The following PRKCE variants were observed in gnomAD, a reference collection of about 807,000 sequenced individuals.
PRKCE encodes the protein protein kinase C epsilon type.
In PRKCE, 16 loss-of-function variants were observed where a neutral mutation model predicts 85.4. That is an observed-to-expected ratio of 0.19 (90% confidence interval 0.13 to 0.28). The LOEUF (loss-of-function observed/expected upper bound fraction) is 0.28. Ranked by LOEUF, PRKCE falls within the 10% of genes least tolerant of loss-of-function variation. The pLI, the probability that PRKCE is intolerant of heterozygous loss-of-function variation, is 1.00. For synonymous variants in PRKCE, 388 were observed against 371.5 expected, an observed-to-expected ratio of 1.04 and a Z score of -0.51; for missense variants, 573 against 975.2, an observed-to-expected ratio of 0.59 and a Z score of 5.49.
At chr2:46,105,703 G>C (rs1166539679) in intron 11 of PRKCE, among the ~76,000 whole-genome samples, 2 of 152,194 alleles carry the variant, frequency 1.3e-5, no homozygotes, top group African/African-American at 2.4e-5. Flanking sequence ...TTGCTGGAGA[G>C]AGGAACTGCT....
intron 2 of PRKCE, among the ~76,000 whole-genome samples, chr2:45,948,535 A>G (rs574972640): frequency 6.6e-6 from 1 of 152,290 alleles, no homozygotes; most frequent in East Asian, 1.9e-4. Context: ...GCTACTCAAG[A>G]GGCTGAGGTG....
At chr2:45,806,826 A>C (rs34160432) in intron 1 of PRKCE, among the ~76,000 whole-genome samples, 2,187 of 152,262 alleles carry the variant, frequency 0.014, 20 homozygotes, top group Non-Finnish European at 0.024. Context: ...GTCAGGGACT[A>C]AGGAGGGGAA....
intron 5 of PRKCE, among the ~76,000 whole-genome samples, chr2:45,982,184 C>T (rs1702942272): frequency 6.6e-6 from 1 of 152,228 alleles, no homozygotes; most frequent in Admixed American, 6.5e-5. Flanking sequence ...GCCAGTCTCC[C>T]TTAGTGTCAG....
intron 10 of PRKCE, chr2:46,078,486 G>A (rs1198543122): frequency 6.6e-6 from 1 of 151,802 alleles, no homozygotes; most frequent in Non-Finnish European, 1.5e-5. Context: ...GCTGCAGTGA[G>A]CTATGATCAT....
At chr2:45,939,834 T>C (rs993269281) in intron 2 of PRKCE, among the ~76,000 whole-genome samples, 9 of 152,230 alleles carry the variant, frequency 5.9e-5, no homozygotes, top group African/African-American at 2.2e-4. Context: ...ATTACAGGCG[T>C]GAGCCACCAT....
At chr2:46,107,197 C>T (rs150143100) in intron 11 of PRKCE, among the ~76,000 whole-genome samples, 294 of 152,286 alleles carry the variant, frequency 1.9e-3, no homozygotes, top group African/African-American at 6.7e-3. Context: ...CCTTTTTTTA[C>T]CAACACTGTA....
intron 10 of PRKCE, among the ~76,000 whole-genome samples, chr2:46,056,141 A>G (rs1666561544): frequency 6.6e-6 from 1 of 152,192 alleles, no homozygotes; most frequent in East Asian, 1.9e-4. Context: ...AAGTATACCC[A>G]GTGAGTAGGA....
In PRKCE at chr2:45,782,461, G is replaced by A. The variant is rs533174875; in HGVS notation, c.349-60539G>A. Among the ~76,000 whole-genome samples, 9 of 152,090 alleles carry A rather than the reference G, an allele frequency of 5.9e-5. No homozygotes were observed. The South Asian group carries it at 1.5e-3, about 25-fold the overall frequency. On this transcript the variant is annotated intron_variant, in intron 1 of 14. Coordinates refer to ENST00000306156, the MANE Select transcript of PRKCE (RefSeq NM_005400.3). ...AATAGGCCGAGAGTCCCCATCCCAGGTTATTCCTGACTGTGCATCTCCAGC... is the reference window on the plus strand; with the variant it reads ...AATAGGCCGAGAGTCCCCATCCCAGATTATTCCTGACTGTGCATCTCCAGC...
chr2:45,966,874 A>G (rs1214052611), intron 2 of PRKCE, among the ~76,000 whole-genome samples: 1 of 152,082 alleles, frequency 6.6e-6, no homozygotes, highest in Non-Finnish European at 1.5e-5. Flanking sequence ...AGGGTCAGGG[A>G]TGAGGCTGTC....
Position 45,855,049 on chromosome 2 carries a change from G to A in PRKCE, c.412+11986G>A, listed in dbSNP as rs113464417. Among the ~76,000 whole-genome samples, 539 of 152,282 alleles carry A rather than the reference G, an allele frequency of 3.5e-3. 3 individuals carry two copies. The highest frequency in any genetic ancestry group is 0.012 in the African/African-American group (501 of 41,554). On this transcript the variant is annotated intron_variant, in intron 2 of 14. Transcript: ENST00000306156. The stretch of plus-strand genomic sequence containing the variant: ...GACCAAATGAGCATTTTGAAATATC[G>A]TAGAACAAATTTATATATTAGCTAG...
At chr2:45,840,870 T>C (rs1324578439) in intron 1 of PRKCE, among the ~76,000 whole-genome samples, 1 of 152,144 alleles carries the variant, frequency 6.6e-6, no homozygotes, top group Non-Finnish European at 1.5e-5. Context: ...GTGCTCATGG[T>C]ATAGCTGCCT....
intron 11 of PRKCE, among the ~76,000 whole-genome samples, chr2:46,097,069 T>G (rs1670759801): frequency 1.3e-5 from 2 of 152,080 alleles, no homozygotes; most frequent in Non-Finnish European, 2.9e-5. Context: ...TGAGTCTGTG[T>G]CTCTTTTACA....
At chr2:45,962,565 CTG>C (rs1251500969) in intron 2 of PRKCE, among the ~76,000 whole-genome samples, 3 of 152,202 alleles carry the variant, frequency 2.0e-5, no homozygotes, top group Non-Finnish European at 2.9e-5. Flanking sequence ...CAGCATTTAG[CTG>C]ATGTTTCTCT....
intron 2 of PRKCE, among the ~76,000 whole-genome samples, chr2:45,970,238 G>T (rs1219994905): frequency 6.6e-6 from 1 of 152,136 alleles, no homozygotes; most frequent in Admixed American, 6.5e-5. Flanking sequence ...AAACAAATTG[G>T]TTACTTTTTT....
intron 11 of PRKCE, among the ~76,000 whole-genome samples, chr2:46,093,746 A>G (rs1670410805): frequency 6.6e-6 from 1 of 151,940 alleles, no homozygotes; most frequent in South Asian, 2.1e-4. Context: ...GTGACCTACC[A>G]CTGTGGAAAA....
chr2:45,821,621 G>T (rs564290168), intron 1 of PRKCE, among the ~76,000 whole-genome samples: 1 of 152,290 alleles, frequency 6.6e-6, no homozygotes, highest in African/African-American at 2.4e-5. Flanking sequence ...CTGATTTGGG[G>T]ACTGGCATGT....
At chr2:45,979,034 T>C in intron 4 of PRKCE, 24 bp downstream of exon 4, 1 of 1,597,600 alleles carries the variant, frequency 6.3e-7, no homozygotes, top group Non-Finnish European at 8.5e-7. Context: ...ATGAATTAAA[T>C]CTTCAGAGGC....
At chr2:45,914,583 G>GT (rs1697623067) in intron 2 of PRKCE, among the ~76,000 whole-genome samples, 1 of 152,094 alleles carries the variant, frequency 6.6e-6, no homozygotes, top group Non-Finnish European at 1.5e-5. Context: ...CAGGCTGATC[G>GT]TCCCCCATCT....
chr2:45,852,885 T>C (rs747194997), intron 2 of PRKCE, among the ~76,000 whole-genome samples: 5 of 152,152 alleles, frequency 3.3e-5, no homozygotes, highest in Non-Finnish European at 5.9e-5. Flanking sequence ...ATGGAGATTC[T>C]GACTCAGGCA....
Sources: gnomAD v4.1 joint callset for allele counts (sites outside exome capture counted in the v4.1 genomes callset) on GRCh38, gnomAD v4.1.1 for gene constraint, MANE v1.5 for transcripts, NCBI Gene and HGNC (gene_info 2026-07-23, HGNC 2026-07-21) for gene names.